FOXP2: variants seen among roughly 807,000 people sequenced by gnomAD.
FOXP2 encodes forkhead box protein P2.
FOXP2 carries 12 observed loss-of-function variants against 115.8 expected under a neutral mutation model. That is an observed-to-expected ratio of 0.10 (90% confidence interval 0.07 to 0.17). FOXP2 has a LOEUF of 0.17. Ranked by LOEUF, FOXP2 falls within the 10% of genes least tolerant of loss-of-function variation. The probability of loss-of-function intolerance (pLI) is 1.00; values close to 1 mark genes in which losing one functional copy is unlikely to be tolerated. For synonymous variants in FOXP2, 328 were observed against 297.7 expected (o/e 1.10, Z -1.05); for missense variants, 629 against 843.5 (o/e 0.75, Z 3.15).
intron 1 of FOXP2, among the ~76,000 whole-genome samples, chr7:114,152,252 T>A (rs1291804319): frequency 1.3e-5 from 2 of 152,146 alleles, no homozygotes; most frequent in Non-Finnish European, 2.9e-5. Flanking sequence ...AATTTTTACA[T>A]GTCAACATTC....
At chr7:114,543,337 CA>C (rs548353068) in intron 3 of FOXP2, among the ~76,000 whole-genome samples, 7 of 152,084 alleles carry the variant, frequency 4.6e-5, no homozygotes, top group Non-Finnish European at 1.0e-4. Context: ...TCAACATTCA[CA>C]ATGTGTATAC....
intron 1 of FOXP2, among the ~76,000 whole-genome samples, chr7:114,226,766 A>T (rs1794758053): frequency 1.3e-5 from 2 of 151,984 alleles, no homozygotes; most frequent in South Asian, 4.1e-4. Context: ...TATCTTAATC[A>T]TTCTCTTTGT....
At chr7:114,679,006 A>C (rs1359957671) in intron 16 of FOXP2, among the ~76,000 whole-genome samples, 2 of 152,024 alleles carry the variant, frequency 1.3e-5, no homozygotes, top group Non-Finnish European at 2.9e-5. Flanking sequence ...GTACATTGTA[A>C]ATTTATAGAG....
At chr7:114,516,767 C>T (rs1411800246) in intron 2 of FOXP2, among the ~76,000 whole-genome samples, 1 of 152,000 alleles carries the variant, frequency 6.6e-6, no homozygotes, top group Admixed American at 6.6e-5. Context: ...GCAATCTCTG[C>T]TCACTGCAAC....
intron 3 of FOXP2, among the ~76,000 whole-genome samples, chr7:114,602,492 C>T (rs1004322859): frequency 6.6e-6 from 1 of 151,884 alleles, no homozygotes; most frequent in South Asian, 2.1e-4. Context: ...CTAAAAGATT[C>T]CTATGATTAC....
chr7:114,400,583 A>G (rs1377879103), intron 2 of FOXP2, among the ~76,000 whole-genome samples: 2 of 152,142 alleles, frequency 1.3e-5, no homozygotes, highest in African/African-American at 4.8e-5. Flanking sequence ...TTCATGGAAG[A>G]CAGTGTTTCC....
chr7:114,125,152 T>C (rs1791674838), intron 1 of FOXP2, among the ~76,000 whole-genome samples: 1 of 152,110 alleles, frequency 6.6e-6, no homozygotes, highest in South Asian at 2.1e-4. Flanking sequence ...TTTTATTTTA[T>C]TTTTTAACCA....
At chr7:114,654,118 G>A (rs774861131) in intron 10 of FOXP2, 109 bp downstream of exon 10, 144 of 1,588,674 alleles carry the variant, frequency 9.1e-5, no homozygotes, top group South Asian at 1.8e-4. Flanking sequence ...TGAAAAATAC[G>A]GCAATAAAAT....
intron 1 of FOXP2, among the ~76,000 whole-genome samples, chr7:114,257,546 C>G (rs1483799642): frequency 6.8e-6 from 1 of 147,994 alleles, no homozygotes; most frequent in African/African-American, 2.5e-5. Flanking sequence ...CTTTGCCTCC[C>G]TGGTTCAGGC....
At chr7:114,586,676 C>T (rs1339671146) in intron 3 of FOXP2, among the ~76,000 whole-genome samples, 4 of 151,806 alleles carry the variant, frequency 2.6e-5, no homozygotes, top group African/African-American at 4.8e-5. Context: ...ATTTCTGTTT[C>T]TTTATTCTGA....
chr7:114,159,841 T>C (rs75775519), upstream of FOXP2, among the ~76,000 whole-genome samples: 1 of 152,216 alleles, frequency 6.6e-6, no homozygotes, highest in Admixed American at 6.6e-5. Context: ...CATGTATACA[T>C]AGGAGCCCTC....
chr7:114,277,920 G>A (rs1165809033), intron 1 of FOXP2, among the ~76,000 whole-genome samples: 1 of 151,092 alleles, frequency 6.6e-6, no homozygotes, highest in Non-Finnish European at 1.5e-5. Context: ...CCCAGCTACT[G>A]GGGAGGCTAA....
intron 1 of FOXP2, among the ~76,000 whole-genome samples, chr7:114,127,806 A>T (rs1376242): frequency 0.97 from 148,290 of 152,302 alleles, 72,327 homozygotes; most frequent in East Asian, 1. Context: ...GTAAAGTCAC[A>T]GCTTCTTCCA....
At chr7:114,629,555 C>T (rs1343693694) in intron 4 of FOXP2, 3 of 1,517,320 alleles carry the variant, frequency 2.0e-6, no homozygotes, top group South Asian at 2.4e-5. Flanking sequence ...TGGCTCTGAC[C>T]CTTTAGAATA....
At chr7:114,420,226 G>A (rs1358652569) in intron 1 of FOXP2, among the ~76,000 whole-genome samples, 1 of 151,902 alleles carries the variant, frequency 6.6e-6, no homozygotes, top group African/African-American at 2.4e-5. Flanking sequence ...CAGGGGATCA[G>A]TGAAGGCTAT....
intron 10 of FOXP2, among the ~76,000 whole-genome samples, chr7:114,656,155 G>A (rs181297854): frequency 5.8e-4 from 88 of 152,204 alleles, no homozygotes; most frequent in Admixed American, 9.8e-4. Context: ...CTCCTGTTTT[G>A]ATAACTTTTA....
chr7:114,294,513 A>G (rs1261216773), intron 2 of FOXP2, among the ~76,000 whole-genome samples: 1 of 152,174 alleles, frequency 6.6e-6, no homozygotes, highest in African/African-American at 2.4e-5. Flanking sequence ...ATTGAAAAGT[A>G]TGTATCAGCA....
intron 3 of FOXP2, among the ~76,000 whole-genome samples, chr7:114,542,766 A>C (rs537829512): frequency 6.6e-6 from 1 of 151,274 alleles, no homozygotes; most frequent in African/African-American, 2.4e-5. Flanking sequence ...ATGTGGAATA[A>C]ATTTTTTTGT....
At chr7:114,460,420 A>C (rs191276084) in intron 2 of FOXP2, among the ~76,000 whole-genome samples, 1 of 152,350 alleles carries the variant, frequency 6.6e-6, no homozygotes, top group Non-Finnish European at 1.5e-5. Flanking sequence ...TCTGTGTTTT[A>C]AAGTAAATGC....
Sources: gnomAD v4.1 joint callset for allele counts (sites outside exome capture counted in the v4.1 genomes callset) on GRCh38, gnomAD v4.1.1 for gene constraint, MANE v1.5 for transcripts, NCBI Gene and HGNC (gene_info 2026-07-23, HGNC 2026-07-21) for gene names.